The following CCDC125 variants were observed in gnomAD, a reference collection of about 807,000 sequenced individuals.
CCDC125 encodes the protein coiled-coil domain containing 125, also known as coiled-coil domain-containing protein 125.
A neutral mutation model predicts 57.4 loss-of-function variants in CCDC125; 43 were observed. The observed-to-expected ratio is 0.75, with a 90% CI of 0.59 to 0.97. The LOEUF is 0.97. Among genes scored for constraint, CCDC125 ranks in the 50% least tolerant of loss-of-function variants. The probability of loss-of-function intolerance (pLI) is 0.00; values close to 1 mark genes in which losing one functional copy is unlikely to be tolerated. For missense variants in CCDC125, 563 were observed against 595.7 expected (o/e 0.95, Z 0.57); for synonymous variants, 187 against 195.2 (o/e 0.96, Z 0.35).
intron 1 of CCDC125, among the ~76,000 whole-genome samples, chr5:69,322,618 C>T (rs929488763): frequency 3.3e-5 from 5 of 151,670 alleles, no homozygotes; most frequent in Non-Finnish European, 5.9e-5. Context: ...GCTGGAGTGC[C>T]GTGGCGCAAT....
At chr5:69,300,244 C>A (rs950104162) in intron 7 of CCDC125, 117 bp from the exon 8 acceptor site, 8 of 714,148 alleles carry the variant, frequency 1.1e-5, no homozygotes, top group Non-Finnish European at 1.7e-5. Context: ...CCCACAACAT[C>A]GGGCTCCATT....
At chr5:69,292,165 T>C (rs1410265265) in intron 10 of CCDC125, 23 bp downstream of exon 10, 1 of 1,587,220 alleles carries the variant, frequency 6.3e-7, no homozygotes, top group Admixed American at 1.7e-5. Context: ...CACCCACTTA[T>C]TGCCATTATA....
intron 7 of CCDC125, among the ~76,000 whole-genome samples, chr5:69,302,660 G>C (rs577343801): frequency 1.3e-4 from 20 of 151,824 alleles, no homozygotes; most frequent in Non-Finnish European, 1.0e-4. Context: ...AGGAGGCGGA[G>C]GTTGCAGTGA....
At chr5:69,300,854 C>A (rs1235380504) in intron 7 of CCDC125, among the ~76,000 whole-genome samples, 1 of 151,962 alleles carries the variant, frequency 6.6e-6, no homozygotes, top group Non-Finnish European at 1.5e-5. Context: ...TTTTTTTGTC[C>A]TTTTCTTCTT....
chr5:69,300,040 CTT>C lies in CCDC125; in HGVS notation c.786_787del (p.Ser263TrpfsTer9). The C allele has an allele frequency of 6.2e-7, 1 of 1,614,226 alleles. No homozygotes were observed. Among genetic ancestry groups the C allele is most frequent in the South Asian group, 1.1e-5 (1 of 91,092 alleles). On this transcript the variant is annotated frameshift_variant, in exon 8 of 12. Transcript: ENST00000396496. LOFTEE classifies it high-confidence loss of function. ...AAGACCTGAAGCCTCTGCAAAGCCA[CTT>C]TTATCACAGCACATGTTTTCCTGAG...
intron 3 of CCDC125, chr5:69,313,561 C>T (rs929923280): frequency 2.7e-6 from 2 of 750,542 alleles, no homozygotes; most frequent in Non-Finnish European, 5.0e-6. Flanking sequence ...CTCAGTGGCC[C>T]AGAAGATAAA....
chr5:69,273,075 A>T, the CCDC125 span: 1 of 1,386,574 alleles, frequency 7.2e-7, no homozygotes. Flanking sequence ...ACTAGGAAAT[A>T]TAAAAATAAT....
intron 6 of CCDC125, 41 bp downstream of exon 6, chr5:69,306,776 T>C: frequency 7.4e-7 from 1 of 1,359,678 alleles, no homozygotes; most frequent in Non-Finnish European, 9.6e-7. Context: ...TACATAGATT[T>C]TAAAGGTTGT....
intron 8 of CCDC125, among the ~76,000 whole-genome samples, chr5:69,295,155 T>G (rs571132341): frequency 6.6e-6 from 1 of 152,300 alleles, no homozygotes; most frequent in South Asian, 2.1e-4. Context: ...TTCCTTCATC[T>G]CACTCTTAAA....
Position 69,282,460 on chromosome 5 carries a change from G to A in CCDC125, c.*269C>T, listed in dbSNP as rs186102617. ...GCCTGTAATCCGAGTTACTCGGGAG[G>A]CTGAGGCAGGAGAATTGCTTGAACC... On this transcript the variant is annotated 3_prime_UTR_variant, in exon 12 of 12. Transcript: ENST00000396496. The A allele has an allele frequency of 3.4e-6, 1 of 297,808 alleles. No homozygotes were observed. The highest frequency in any genetic ancestry group is 6.1e-6 in the Non-Finnish European group (1 of 162,932). 18.4% of individuals were successfully genotyped at this position (297,808 alleles called of 1,614,324 possible). A position where few individuals can be genotyped will look rare whatever the true frequency, so the allele number is the denominator to read the frequency against.
At chr5:69,291,265 A>G (rs1414519032) in intron 10 of CCDC125, among the ~76,000 whole-genome samples, 2 of 152,224 alleles carry the variant, frequency 1.3e-5, no homozygotes, top group Admixed American at 6.6e-5. Context: ...TTTCTAAAAA[A>G]TAACAGCTAC....
chr5:69,319,217 T>C (rs1209913110), intron 2 of CCDC125, among the ~76,000 whole-genome samples: 1 of 151,864 alleles, frequency 6.6e-6, no homozygotes, highest in Non-Finnish European at 1.5e-5. Flanking sequence ...CATGAGCCAC[T>C]GTACCCGGCC....
intron 1 of CCDC125, among the ~76,000 whole-genome samples, chr5:69,321,301 A>G (rs761574510): frequency 6.6e-6 from 1 of 152,334 alleles, no homozygotes; most frequent in East Asian, 1.9e-4. Flanking sequence ...ATAGGCAGCC[A>G]TAATCTGTCA....
intron 4 of CCDC125, 80 bp downstream of exon 4, chr5:69,311,038 C>A (rs1457781155): frequency 1.8e-5 from 16 of 881,560 alleles, no homozygotes; most frequent in Middle Eastern, 6.3e-4. Flanking sequence ...AGTCCTTCTG[C>A]CTTGGTTTTA....
downstream of CCDC125, chr5:69,277,462 G>A: frequency 5.0e-6 from 1 of 199,238 alleles, no homozygotes; most frequent in East Asian, 1.1e-4. Context: ...GTAGTAGCAT[G>A]GGTAGTGTTT....
Position 69,282,552 on chromosome 5 carries a change from CT to C in CCDC125, c.*176del. The C allele has an allele frequency of 1.7e-6, 1 of 572,982 alleles. No individual in the cohort carries two copies. Among genetic ancestry groups the C allele is most frequent in the Non-Finnish European group, 3.0e-6 (1 of 336,984 alleles). The allele number at this position is 572,982 out of a possible 1,614,324, so 35.5% of individuals were successfully genotyped here. A position where few individuals can be genotyped will look rare whatever the true frequency, so the allele number is the denominator to read the frequency against. ...CTCCAACCTGGGTGACAGAGCAAGA[CT>C]CCATCTCAAAAGAAGAAAAAGAAAA... On this transcript the variant is annotated 3_prime_UTR_variant, in exon 12 of 12. Transcript: ENST00000396496.
chr5:69,315,043 G>A (rs1758786785), intron 2 of CCDC125, among the ~76,000 whole-genome samples: 1 of 151,906 alleles, frequency 6.6e-6, no homozygotes, highest in African/African-American at 2.4e-5. Context: ...ATCACTTGAG[G>A]TAAGGAGTTC....
downstream of CCDC125, among the ~76,000 whole-genome samples, chr5:69,275,354 T>C (rs1752011421): frequency 6.6e-6 from 1 of 152,234 alleles, no homozygotes; most frequent in Admixed American, 6.5e-5. Flanking sequence ...TTTAAGAATT[T>C]ATATTTTACA....
At chr5:69,307,013 G>A (rs1285659805) in intron 5 of CCDC125, 111 bp from the exon 6 acceptor site, 1 of 1,210,178 alleles carries the variant, frequency 8.3e-7, no homozygotes, top group African/African-American at 1.6e-5. Flanking sequence ...ATGGTTTAAA[G>A]AGAAAAAATT....
Sources: gnomAD v4.1 joint callset for allele counts (sites outside exome capture counted in the v4.1 genomes callset) on GRCh38, gnomAD v4.1.1 for gene constraint, MANE v1.5 for transcripts, NCBI Gene and HGNC (gene_info 2026-07-23, HGNC 2026-07-21) for gene names.